Variants in COG5 observed in about 807,000 individuals in gnomAD.
COG5 encodes the protein conserved oligomeric Golgi complex subunit 5.
In COG5, 86 loss-of-function variants were observed where a neutral mutation model predicts 110.4. The observed-to-expected ratio is 0.78, with a 90% CI of 0.65 to 0.93. The LOEUF (loss-of-function observed/expected upper bound fraction) is 0.93. COG5 is among the 40% of genes least tolerant of loss of function. The probability of loss-of-function intolerance (pLI) is 0.00; values close to 1 mark genes in which losing one functional copy is unlikely to be tolerated. For missense variants in COG5, 1,077 were observed against 987.0 expected (o/e 1.09, Z -1.22); for synonymous variants, 360 against 334.6 (o/e 1.08, Z -0.83).
intron 10 of COG5, among the ~76,000 whole-genome samples, chr7:107,337,996 A>G (rs549145248): frequency 6.6e-6 from 1 of 152,180 alleles, no homozygotes; most frequent in Non-Finnish European, 1.5e-5. Context: ...CTTCAGCATT[A>G]AAGCTGCATA....
chr7:107,513,105 C>T (rs1319328802), intron 6 of COG5, among the ~76,000 whole-genome samples: 1 of 151,418 alleles, frequency 6.6e-6, no homozygotes, highest in South Asian at 2.1e-4. Flanking sequence ...TCAGAGTGAA[C>T]AGGCAACCTA....
chr7:107,251,770 G>A (rs1330439460), intron 16 of COG5, among the ~76,000 whole-genome samples: 3 of 152,058 alleles, frequency 2.0e-5, no homozygotes, highest in Non-Finnish European at 2.9e-5. Context: ...AATCAATGAT[G>A]TAAAGTCTCA....
intron 7 of COG5, among the ~76,000 whole-genome samples, chr7:107,387,776 T>A (rs1790317978): frequency 6.6e-6 from 1 of 152,252 alleles, no homozygotes; most frequent in Admixed American, 6.5e-5. Context: ...GGGGCTCTGA[T>A]ACTGGCCTTG....
intron 1 of COG5, chr7:107,563,548 G>GGC (rs1563104004): frequency 4.5e-6 from 2 of 447,224 alleles, no homozygotes; most frequent in African/African-American, 2.2e-5. Context: ...GAGGCATGGG[G>GGC]GGGGGGGGGG....
At chr7:107,561,469 G>A (rs1218383919) in intron 1 of COG5, among the ~76,000 whole-genome samples, 1 of 152,186 alleles carries the variant, frequency 6.6e-6, no homozygotes, top group Non-Finnish European at 1.5e-5. Flanking sequence ...AAAAAGCACG[G>A]CACCCATAAA....
At chr7:107,325,875 C>G (rs1308697910) in intron 10 of COG5, among the ~76,000 whole-genome samples, 1 of 152,082 alleles carries the variant, frequency 6.6e-6, no homozygotes, top group Non-Finnish European at 1.5e-5. Context: ...TACTCAAGAA[C>G]TGTTAATCAT....
chr7:107,276,807 G>A (rs1187485964), intron 14 of COG5, among the ~76,000 whole-genome samples: 1 of 152,004 alleles, frequency 6.6e-6, no homozygotes, highest in Non-Finnish European at 1.5e-5. Flanking sequence ...ACACCTATAG[G>A]TATATGTGTA....
intron 6 of COG5, among the ~76,000 whole-genome samples, chr7:107,426,857 C>T (rs536667535): frequency 6.6e-6 from 1 of 152,204 alleles, no homozygotes; most frequent in South Asian, 2.1e-4. Flanking sequence ...ATTCTAAAAT[C>T]TTATAATAAA....
rs563267149 is a variant in COG5 at position 107,203,525 on chromosome 7, A to T, written c.2481T>A (p.Ala827=). The change falls in exon 22 of 22, where the codon GCT becomes GCA. Residue 827 remains alanine (A), a synonymous_variant. Transcript: ENST00000297135. ...CAAAGATTTCATGTCATTACTGAAG[A>T]GCAGACATAGCCTTTTGAAGCAGCT... is the stretch of plus-strand genomic sequence containing the variant. ...MVQLLQKAMS[A]LQ 18 of 1,609,366 alleles carry T rather than the reference A, an allele frequency of 1.1e-5. No individual in the cohort carries two copies. In the East Asian group the frequency reaches 1.3e-4, roughly 12 times the overall value.
intron 6 of COG5, among the ~76,000 whole-genome samples, chr7:107,424,258 G>C (rs1032886780): frequency 2.0e-5 from 3 of 152,060 alleles, no homozygotes; most frequent in Admixed American, 6.6e-5. Flanking sequence ...GGGCAACAGA[G>C]CGAGAGTCTG....
At chr7:107,508,919 A>G (rs1312518710) in intron 6 of COG5, among the ~76,000 whole-genome samples, 1 of 152,204 alleles carries the variant, frequency 6.6e-6, no homozygotes, top group African/African-American at 2.4e-5. Flanking sequence ...TCAAAGACCA[A>G]AAGTAGATAA....
chr7:107,465,833 C>T (rs1452632281), intron 6 of COG5, among the ~76,000 whole-genome samples: 4 of 152,068 alleles, frequency 2.6e-5, no homozygotes, highest in Admixed American at 6.6e-5. Context: ...AGCCTTCTTA[C>T]AAAAATGTTA....
rs190659012 is a variant in COG5, at chr7:107,522,416, G to A, written c.538+4821C>T. Among the ~76,000 whole-genome samples, 654 of 152,164 alleles carry A rather than the reference G, an allele frequency of 4.3e-3. 3 individuals carry two copies. Among genetic ancestry groups the A allele is most frequent in the Middle Eastern group, 0.02 (6 of 294 alleles). Reference sequence around the variant, plus strand: ...CCAGGAGGCGGAGGTTGCGGTGAGCGGAGATTGCGCCATTGCACTCCAGCC... The same window carrying A: ...CCAGGAGGCGGAGGTTGCGGTGAGCAGAGATTGCGCCATTGCACTCCAGCC... On this transcript the variant is annotated intron_variant, in intron 6 of 21. Coordinates refer to ENST00000297135, the MANE Select transcript of COG5 (RefSeq NM_006348.5).
chr7:107,506,501 G>T (rs996879804), intron 6 of COG5, among the ~76,000 whole-genome samples: 6 of 152,128 alleles, frequency 3.9e-5, no homozygotes, highest in African/African-American at 1.4e-4. Flanking sequence ...CTGGCACTGG[G>T]GTAATGTTCC....
chr7:107,518,938 T>C (rs909627611), intron 6 of COG5, among the ~76,000 whole-genome samples: 9 of 152,126 alleles, frequency 5.9e-5, no homozygotes, highest in African/African-American at 2.2e-4. Flanking sequence ...TGCAAAAGAA[T>C]GGAAATCATA....
chr7:107,212,041 A>G (rs1046540975), intron 19 of COG5, among the ~76,000 whole-genome samples: 18 of 152,196 alleles, frequency 1.2e-4, no homozygotes. Context: ...CTTTACCCCA[A>G]CTTAATTACT....
chr7:107,272,612 G>T (rs1804368810), intron 14 of COG5, among the ~76,000 whole-genome samples: 1 of 152,060 alleles, frequency 6.6e-6, no homozygotes, highest in South Asian at 2.1e-4. Flanking sequence ...ACTTGCAAAT[G>T]GAACTAAGTT....
chr7:107,277,805 A>G (rs1470726672), intron 14 of COG5, among the ~76,000 whole-genome samples: 1 of 152,214 alleles, frequency 6.6e-6, no homozygotes, highest in Non-Finnish European at 1.5e-5. Context: ...ATTTATCCTT[A>G]CAGAGATTTA....
chr7:107,508,986 G>A (rs1177027291), intron 6 of COG5, among the ~76,000 whole-genome samples: 1 of 152,194 alleles, frequency 6.6e-6, no homozygotes, highest in Non-Finnish European at 1.5e-5. Flanking sequence ...AAAAATCAGA[G>A]CGCCTCTCCT....
Sources: gnomAD v4.1 joint callset for allele counts (sites outside exome capture counted in the v4.1 genomes callset) on GRCh38, gnomAD v4.1.1 for gene constraint, MANE v1.5 for transcripts, NCBI Gene and HGNC (gene_info 2026-07-23, HGNC 2026-07-21) for gene names.